Variants in CTNNA2 observed in about 807,000 individuals in gnomAD.
The protein encoded by CTNNA2 is catenin alpha-2.
In CTNNA2, 42 loss-of-function variants were observed where a neutral mutation model predicts 101.0. The observed-to-expected ratio is 0.42, with a 90% CI of 0.32 to 0.54. The LOEUF (loss-of-function observed/expected upper bound fraction) is 0.54, where lower values mean the gene tolerates loss of function less well. CTNNA2 is among the 20% of genes least tolerant of loss of function. The probability of loss-of-function intolerance (pLI) is 0.14; values close to 1 mark genes in which losing one functional copy is unlikely to be tolerated. For missense variants in CTNNA2, 871 were observed against 1,223.1 expected, an observed-to-expected ratio of 0.71 and a Z score of 4.29; for synonymous variants, 450 against 456.4, an observed-to-expected ratio of 0.99 and a Z score of 0.18.
intron 2 of CTNNA2, among the ~76,000 whole-genome samples, chr2:79,256,161 A>G (rs1674841315): frequency 6.6e-6 from 1 of 152,170 alleles, no homozygotes; most frequent in Admixed American, 6.5e-5. Flanking sequence ...GACAAAGGAG[A>G]TGAATTGGGA....
chr2:79,815,623 C>T (rs1677428990), intron 3 of CTNNA2, among the ~76,000 whole-genome samples: 1 of 152,070 alleles, frequency 6.6e-6, no homozygotes, highest in Non-Finnish European at 1.5e-5. Flanking sequence ...GTCTATGTGC[C>T]TATTTTTATA....
At chr2:80,456,282 T>A (rs1683971799) in intron 9 of CTNNA2, among the ~76,000 whole-genome samples, 1 of 152,218 alleles carries the variant, frequency 6.6e-6, no homozygotes, top group South Asian at 2.1e-4. Flanking sequence ...TCTTTCTGTG[T>A]GGCCACTTTA....
intron 7 of CTNNA2, among the ~76,000 whole-genome samples, chr2:80,189,543 T>A (rs1009218931): frequency 6.6e-6 from 1 of 152,206 alleles, no homozygotes; most frequent in Non-Finnish European, 1.5e-5. Flanking sequence ...TAGCATTGAG[T>A]TCCTAGTAGC....
chr2:79,589,281 G>A (rs1676692431), intron 1 of CTNNA2, among the ~76,000 whole-genome samples: 1 of 152,124 alleles, frequency 6.6e-6, no homozygotes, highest in African/African-American at 2.4e-5. Flanking sequence ...ATGATTAGAA[G>A]GCCAGAGTTC....
chr2:79,778,406 TTTCTGCATGGC>T (rs1241053361), intron 3 of CTNNA2, among the ~76,000 whole-genome samples: 1 of 152,146 alleles, frequency 6.6e-6, no homozygotes, highest in African/African-American at 2.4e-5. Flanking sequence ...TTAGGTACTT[TTTCTGCATGGC>T]TTCTAATTTT....
At chr2:80,131,736 G>T (rs943779554) in intron 7 of CTNNA2, among the ~76,000 whole-genome samples, 2 of 152,068 alleles carry the variant, frequency 1.3e-5, no homozygotes, top group Admixed American at 6.5e-5. Flanking sequence ...TCTCTCACAT[G>T]TTCTTAAATC....
intron 7 of CTNNA2, among the ~76,000 whole-genome samples, chr2:80,211,409 G>A (rs548636012): frequency 1.2e-3 from 176 of 152,204 alleles, no homozygotes; most frequent in African/African-American, 4.2e-3. Flanking sequence ...TATAAGAAAG[G>A]GATCCAGTTT....
intron 1 of CTNNA2, among the ~76,000 whole-genome samples, chr2:79,586,398 G>A (rs1339372862): frequency 1.3e-5 from 2 of 152,050 alleles, no homozygotes; most frequent in Admixed American, 6.6e-5. Flanking sequence ...TTCTCCGCTC[G>A]GCCTCTGGCA....
intron 9 of CTNNA2, among the ~76,000 whole-genome samples, chr2:80,477,425 C>T (rs746366698): frequency 9.9e-5 from 15 of 151,970 alleles, no homozygotes; most frequent in East Asian, 1.9e-4. Context: ...AATTATGTAG[C>T]GGCAAAATCT....
At chr2:80,481,465 C>T (rs1159544400) in intron 9 of CTNNA2, among the ~76,000 whole-genome samples, 1 of 152,092 alleles carries the variant, frequency 6.6e-6, no homozygotes, top group Non-Finnish European at 1.5e-5. Context: ...AGGCTTAATA[C>T]ATGACAGGTA....
At chr2:79,415,837 C>G (rs1260200416) in intron 4 of CTNNA2, among the ~76,000 whole-genome samples, 1 of 152,024 alleles carries the variant, frequency 6.6e-6, no homozygotes, top group Non-Finnish European at 1.5e-5. Context: ...TAGGTAAAAT[C>G]TTCAGAAATC....
At chr2:79,851,736 C>CTTTTTTTTTTTTTT (rs1470721736) in intron 3 of CTNNA2, among the ~76,000 whole-genome samples, 1 of 99,526 alleles carries the variant, frequency 1.0e-5, no homozygotes, top group Non-Finnish European at 1.9e-5. Flanking sequence ...TTTTTCTTTT[C>CTTTTTTTTTTTTTT]CTTTTTTTTT....
intron 2 of CTNNA2, among the ~76,000 whole-genome samples, chr2:79,311,101 T>C (rs907773676): frequency 6.6e-6 from 1 of 152,186 alleles, no homozygotes; most frequent in Non-Finnish European, 1.5e-5. Context: ...TAAGTATGAC[T>C]CTGTCCAAAT....
At chr2:79,866,153 G>A (rs1479787224) in intron 4 of CTNNA2, among the ~76,000 whole-genome samples, 1 of 152,168 alleles carries the variant, frequency 6.6e-6, no homozygotes, top group African/African-American at 2.4e-5. Flanking sequence ...TAGGAATGGT[G>A]GTACAGGCTA....
intron 4 of CTNNA2, among the ~76,000 whole-genome samples, chr2:79,449,598 T>A (rs902445519): frequency 2.0e-5 from 3 of 151,964 alleles, no homozygotes; most frequent in African/African-American, 7.2e-5. Context: ...GAGGAAAAAA[T>A]ACTTCAGGAA....
chr2:79,276,079 G>A (rs563178336), intron 2 of CTNNA2, among the ~76,000 whole-genome samples: 55 of 152,074 alleles, frequency 3.6e-4, no homozygotes, highest in Admixed American at 6.6e-4. Context: ...CCAGGAAAAG[G>A]GAACAGAATA....
intron 4 of CTNNA2, among the ~76,000 whole-genome samples, chr2:79,867,246 A>C (rs1682182302): frequency 6.6e-6 from 1 of 152,158 alleles, no homozygotes; most frequent in East Asian, 1.9e-4. Context: ...TCAAAAATAA[A>C]GACTTAATTT....
rs1676321675 is a variant in CTNNA2 at position 79,309,641 on chromosome 2, TATC to T, written c.-405-3065_-405-3063del. Among the ~76,000 whole-genome samples, 3 of 150,342 alleles carry T rather than the reference TATC, an allele frequency of 2.0e-5. No individual in the cohort carries two copies. In the South Asian group the frequency reaches 6.3e-4, roughly 32 times the overall value. On this transcript the variant is annotated intron_variant, in intron 2 of 21. Coordinates refer to the CTNNA2 transcript ENST00000466387. The stretch of plus-strand genomic sequence containing the variant: ...TTTGTGTAAGATGAGAGAATTTTGT[TATC>T]ATACAGATTGATGATTTAAACTGGT...
chr2:79,805,645 G>A (rs1489256090), intron 3 of CTNNA2, among the ~76,000 whole-genome samples: 1 of 152,124 alleles, frequency 6.6e-6, no homozygotes, highest in Non-Finnish European at 1.5e-5. Context: ...AGTATTAAGA[G>A]ATGATAAGTT....
Sources: gnomAD v4.1 joint callset for allele counts (sites outside exome capture counted in the v4.1 genomes callset) on GRCh38, gnomAD v4.1.1 for gene constraint, MANE v1.5 for transcripts, NCBI Gene and HGNC (gene_info 2026-07-23, HGNC 2026-07-21) for gene names.